STK35: variants seen among roughly 807,000 people sequenced by gnomAD.
STK35 encodes the protein serine/threonine-protein kinase 35.
STK35 carries 17 observed loss-of-function variants against 37.3 expected under a neutral mutation model. The observed-to-expected ratio is 0.46, with a 90% CI of 0.31 to 0.68. The LOEUF is 0.68. Ranked by LOEUF, STK35 falls within the 30% of genes least tolerant of loss-of-function variation. The pLI is 0.05. For synonymous variants in STK35, 385 were observed against 319.1 expected, an observed-to-expected ratio of 1.21 and a Z score of -2.20; for missense variants, 595 against 746.7, an observed-to-expected ratio of 0.80 and a Z score of 2.37.
rs1985423385 is a variant in STK35, at chr20:2,102,797, T to G, written c.324T>G (p.Arg108=). Residue 108 remains arginine (R), a synonymous_variant, in exon 2 of 4, where the codon CGT becomes CGG. Transcript: ENST00000381482. ...QVTIQGPAPP[R]PRAGRRDEAG... is the part of the protein sequence containing the mutation. The stretch of plus-strand genomic sequence containing the variant: ...CAATCCAAGGTCCGGCTCCTCCGCG[T>G]CCCAGGGCCGGACGGAGGGATGAGG... The G allele has an allele frequency of 6.7e-7, 1 of 1,497,418 alleles. No individual in the cohort carries two copies. Among genetic ancestry groups the G allele is most frequent in the South Asian group, 1.2e-5 (1 of 80,630 alleles). The allele number at this position is 1,497,418 out of a possible 1,614,324, so 92.8% of individuals were successfully genotyped here.
intron 3 of STK35, among the ~76,000 whole-genome samples, chr20:2,134,881 ACT>A (rs1399195635): frequency 2.0e-5 from 3 of 151,340 alleles, no homozygotes; most frequent in Admixed American, 1.3e-4. Flanking sequence ...ACAGAGTGAG[ACT>A]CTGTGTCAAA....
intron 2 of STK35, among the ~76,000 whole-genome samples, chr20:2,115,629 G>C (rs1365936049): frequency 1.3e-5 from 2 of 152,168 alleles, no homozygotes; most frequent in Non-Finnish European, 2.9e-5. Flanking sequence ...AGAACATTGA[G>C]ATTTGCTTGG....
At chr20:2,102,363 A>T (rs1474403607) in intron 1 of STK35, among the ~76,000 whole-genome samples, 188 bp downstream of exon 1, 1 of 152,162 alleles carries the variant, frequency 6.6e-6, no homozygotes, top group African/African-American at 2.4e-5. Flanking sequence ...CTAGGGCTTA[A>T]TTCAATGGAC....
chr20:2,112,342 C>G (rs1440428248), intron 2 of STK35, among the ~76,000 whole-genome samples: 4 of 152,060 alleles, frequency 2.6e-5, no homozygotes, highest in Non-Finnish European at 4.4e-5. Flanking sequence ...AAGACACCTG[C>G]TTGGTTTTGT....
At chr20:2,128,603 A>T (rs1236126343) in intron 3 of STK35, among the ~76,000 whole-genome samples, 1 of 152,052 alleles carries the variant, frequency 6.6e-6, no homozygotes, top group Admixed American at 6.6e-5. Context: ...TGGGAGTAGG[A>T]GGAAACAATT....
At chr20:2,120,895 T>C (rs1362107858) in intron 3 of STK35, among the ~76,000 whole-genome samples, 1 of 150,810 alleles carries the variant, frequency 6.6e-6, no homozygotes, top group African/African-American at 2.4e-5. Context: ...ATCTGAAGCT[T>C]GGGTGGTGGG....
At position 2,145,778 on chromosome 20, in the gene STK35, T is replaced by G. The variant is rs980678409; in HGVS notation, c.*2032T>G. On this transcript the variant is annotated 3_prime_UTR_variant, in exon 4 of 4. Transcript: ENST00000381482. The stretch of plus-strand genomic sequence containing the variant: ...CCTTTTCCGCCCGCCACCCTGCCTT[T>G]CCTTGGGGGCAGCTGTCTCTCTGTA... The G allele has an allele frequency of 2.0e-5, 3 of 152,168 alleles. No individual in the cohort carries two copies. Among genetic ancestry groups the G allele is most frequent in the Non-Finnish European group, 4.4e-5 (3 of 68,110 alleles). The allele number at this position is 152,168 out of a possible 1,614,324, so 9.4% of individuals were successfully genotyped here.
chr20:2,132,315 G>A (rs574522407), intron 3 of STK35, among the ~76,000 whole-genome samples: 1 of 152,366 alleles, frequency 6.6e-6, no homozygotes, highest in East Asian at 1.9e-4. Context: ...ACTTAAGATG[G>A]ACCTTGAAGA....
chr20:2,119,710 G>A (rs550516280), intron 3 of STK35, among the ~76,000 whole-genome samples: 1 of 152,304 alleles, frequency 6.6e-6, no homozygotes, highest in African/African-American at 2.4e-5. Flanking sequence ...ACGTTGTGCT[G>A]AAGTCTTGAT....
intron 2 of STK35, among the ~76,000 whole-genome samples, chr20:2,103,816 G>T (rs62194377): frequency 1.1e-3 from 175 of 152,236 alleles, no homozygotes; most frequent in Non-Finnish European, 1.8e-3. Flanking sequence ...CTCCCTGTCT[G>T]GTTCCAAGTT....
intron 3 of STK35, among the ~76,000 whole-genome samples, chr20:2,131,746 G>A (rs1009049190): frequency 4.6e-5 from 7 of 151,718 alleles, no homozygotes; most frequent in Admixed American, 1.3e-4. Flanking sequence ...AGACAGGGTC[G>A]CGCTCTGTCA....
At chr20:2,133,010 G>C (rs1376742169) in intron 3 of STK35, among the ~76,000 whole-genome samples, 9 of 152,164 alleles carry the variant, frequency 5.9e-5, no homozygotes, top group Non-Finnish European at 1.3e-4. Flanking sequence ...ATCCTTATAG[G>C]CTAATCACAC....
chr20:2,101,948 T>G lies in STK35; in HGVS notation c.67T>G (p.Cys23Gly). The change falls in exon 1 of 4, where the codon TGT (cysteine) becomes GGT (glycine). Residue 23 changes from cysteine to glycine, a missense_variant. Coordinates refer to ENST00000381482, the MANE Select transcript of STK35 (RefSeq NM_080836.4). ...AGGAAYVKRL[C>G]KGLSWREHVE... Reference sequence around the variant, plus strand: ...AGGTGCAGCTTATGTAAAGAGGTTATGTAAAGGGCTCAGCTGGCGCGAACA... The same window carrying G: ...AGGTGCAGCTTATGTAAAGAGGTTAGGTAAAGGGCTCAGCTGGCGCGAACA... 1 of 1,515,512 alleles carries G rather than the reference T, an allele frequency of 6.6e-7. No homozygotes were observed. Among genetic ancestry groups the G allele is most frequent in the Non-Finnish European group, 8.8e-7 (1 of 1,133,066 alleles). The allele number at this position is 1,515,512 out of a possible 1,614,324, so 93.9% of individuals were successfully genotyped here.
chr20:2,106,363 G>C (rs957089371), intron 2 of STK35, among the ~76,000 whole-genome samples: 7 of 152,170 alleles, frequency 4.6e-5, no homozygotes, highest in African/African-American at 1.7e-4. Flanking sequence ...AGGCCAAAAA[G>C]TGTGAATCTG....
chr20:2,133,820 G>C (rs1986038789), intron 3 of STK35, among the ~76,000 whole-genome samples: 1 of 152,162 alleles, frequency 6.6e-6, no homozygotes, highest in South Asian at 2.1e-4. Context: ...TCATGTCTAG[G>C]AGCTTTCACA....
chr20:2,124,216 G>A (rs927248668), intron 3 of STK35, among the ~76,000 whole-genome samples: 5 of 152,186 alleles, frequency 3.3e-5, no homozygotes, highest in Non-Finnish European at 7.3e-5. Flanking sequence ...TGCGCAGTAT[G>A]GAACACTTAG....
intron 2 of STK35, among the ~76,000 whole-genome samples, chr20:2,113,083 C>T (rs1985650253): frequency 2.0e-5 from 3 of 152,198 alleles, no homozygotes; most frequent in African/African-American, 7.2e-5. Context: ...TGGTGGACCA[C>T]AGTGACAGTT....
chr20:2,103,972 C>A (rs1985463499), intron 2 of STK35, among the ~76,000 whole-genome samples: 1 of 152,280 alleles, frequency 6.6e-6, no homozygotes, highest in Non-Finnish European at 1.5e-5. Flanking sequence ...GGCTGACAAC[C>A]CTCACAGGTG....
intron 3 of STK35, among the ~76,000 whole-genome samples, chr20:2,139,625 G>A (rs55904687): frequency 6.6e-5 from 10 of 152,204 alleles, no homozygotes; most frequent in Admixed American, 2.6e-4. Flanking sequence ...TCTCTAAGAC[G>A]AGGGGGACGA....
Sources: allele counts gnomAD v4.1 joint callset (sites outside exome capture counted in the v4.1 genomes callset), GRCh38; gene constraint gnomAD v4.1.1; transcripts MANE v1.5; gene names NCBI Gene and HGNC (gene_info 2026-07-23, HGNC 2026-07-21).